The following TRIM71 variants were observed in gnomAD, a reference collection of about 807,000 sequenced individuals.
The protein encoded by TRIM71 is E3 ubiquitin-protein ligase TRIM71.
In TRIM71, 9 loss-of-function variants were observed where a neutral mutation model predicts 61.2. The ratio of observed to expected loss-of-function variants is 0.15; its 90% CI spans 0.09 to 0.26. The LOEUF is 0.26. Ranked by LOEUF, TRIM71 falls within the 10% of genes least tolerant of loss-of-function variation. The pLI, the probability that TRIM71 is intolerant of heterozygous loss-of-function variation, is 1.00. For synonymous variants in TRIM71, 645 were observed against 553.2 expected (o/e 1.17, Z -2.33); for missense variants, 998 against 1,238.7 (o/e 0.81, Z 2.92).
chr3:32,839,259 C>T (rs1002203335), intron 1 of TRIM71, among the ~76,000 whole-genome samples: 8 of 151,798 alleles, frequency 5.3e-5, no homozygotes, highest in Non-Finnish European at 1.0e-4. Context: ...AGACAAGAGT[C>T]TCATTTGGTC....
rs67054324 is a variant in TRIM71 at position 32,845,718 on chromosome 3, CTT to C, written c.852+26798_852+26799del. On this transcript the variant is annotated intron_variant, in intron 1 of 3. Coordinates refer to ENST00000383763, the MANE Select transcript of TRIM71 (RefSeq NM_001039111.3). ...CATGCGACCTAGGCCAAGTTTGGAT[CTT>C]TTTTTTTTTTTGAAACAGAGTCTCT... is the stretch of plus-strand genomic sequence containing the variant. 4.5e-3 allele frequency among the ~76,000 whole-genome samples: 651 copies of C among 145,678 alleles called. 1 individual carries two copies. The highest frequency in any genetic ancestry group is 0.02 in the South Asian group (93 of 4,566).
At position 32,837,814 on chromosome 3, in the gene TRIM71, A is replaced by G. The variant is rs67095435; in HGVS notation, c.852+18882A>G. Among the ~76,000 whole-genome samples, 552 of 68,856 alleles carry G rather than the reference A, an allele frequency of 8.0e-3. 7 individuals are homozygous for G. The highest frequency in any genetic ancestry group is 0.023 in the Admixed American group (108 of 4,644). The allele number at this position is 68,856 out of a possible 152,430, so 45.2% of individuals were successfully genotyped here. A position where few individuals can be genotyped will look rare whatever the true frequency, so the allele number is the denominator to read the frequency against. On this transcript the variant is annotated intron_variant, in intron 1 of 3. Coordinates refer to ENST00000383763, the MANE Select transcript of TRIM71 (RefSeq NM_001039111.3). ...GAGCGAGACTCCATCTCAAAAAAAGAAAAAAAACCTCCTGAAGTCTTTACC... is the reference window on the plus strand; with the variant it reads ...GAGCGAGACTCCATCTCAAAAAAAGGAAAAAAACCTCCTGAAGTCTTTACC...
intron 1 of TRIM71, among the ~76,000 whole-genome samples, chr3:32,858,333 G>C (rs72851701): frequency 1.1e-3 from 164 of 152,192 alleles, no homozygotes; most frequent in African/African-American, 3.9e-3. Flanking sequence ...CCAGACTGAC[G>C]GTCGAACAGC....
At chr3:32,835,425 C>T (rs965932514) in intron 1 of TRIM71, among the ~76,000 whole-genome samples, 5 of 152,120 alleles carry the variant, frequency 3.3e-5, no homozygotes, top group Admixed American at 1.3e-4. Flanking sequence ...AAGAGGAACC[C>T]GGATCAATGA....
intron 1 of TRIM71, among the ~76,000 whole-genome samples, chr3:32,844,410 T>C (rs957936544): frequency 3.9e-5 from 6 of 152,164 alleles, no homozygotes; most frequent in African/African-American, 1.4e-4. Flanking sequence ...TTATTCCCTT[T>C]CCCTGAGACT....
At position 32,891,916 on chromosome 3, in the gene TRIM71, T is replaced by C; in HGVS notation, c.*105T>C. 6.9e-7 allele frequency: 1 copy of C among 1,451,454 alleles called. No individual in the cohort carries two copies. Among genetic ancestry groups the C allele is most frequent in the Non-Finnish European group, 9.1e-7 (1 of 1,101,108 alleles). 89.9% of individuals were successfully genotyped at this position (1,451,454 alleles called of 1,614,324 possible). ...TTTGAATTTCAAAGAAGAAACAGTCTCAGGGAAATTTCTTTTTTCTTTTTT... is the reference window on the plus strand; with the variant it reads ...TTTGAATTTCAAAGAAGAAACAGTCCCAGGGAAATTTCTTTTTTCTTTTTT... On this transcript the variant is annotated 3_prime_UTR_variant, in exon 4 of 4. Transcript: ENST00000383763. This position sits in a 1 kb window ranked among gnomAD's most constrained non-coding sequence, Gnocchi z 8.2.
chr3:32,882,677 G>A (rs1196809383), intron 2 of TRIM71, among the ~76,000 whole-genome samples: 1 of 152,112 alleles, frequency 6.6e-6, no homozygotes, highest in Non-Finnish European at 1.5e-5. Flanking sequence ...CTCCCAAGTA[G>A]ATGGGACTAT....
Position 32,897,627 on chromosome 3 carries a change from A to G in TRIM71, c.*5816A>G, listed in dbSNP as rs889513594. The G allele has an allele frequency of 6.6e-6, 1 of 152,248 alleles. No homozygotes were observed. The highest frequency in any genetic ancestry group is 2.4e-5 in the African/African-American group (1 of 41,464). The allele number at this position is 152,248 out of a possible 1,614,324, so 9.4% of individuals were successfully genotyped here. On this transcript the variant is annotated 3_prime_UTR_variant, in exon 4 of 4. Coordinates refer to ENST00000383763, the MANE Select transcript of TRIM71 (RefSeq NM_001039111.3). The stretch of plus-strand genomic sequence containing the variant: ...GTGAAGAACCAATGGAAAAGTGTTC[A>G]AAAACTCCTGTGTTAGCTAACAGGC...
chr3:32,874,111 G>A, intron 2 of TRIM71, 126 bp downstream of exon 2: 1 of 974,938 alleles, frequency 1.0e-6, no homozygotes, highest in Non-Finnish European at 1.5e-6. Flanking sequence ...ATGAGCTCAG[G>A]TGACATCCCT....
At chr3:32,843,882 A>G (rs1328003662) in intron 1 of TRIM71, among the ~76,000 whole-genome samples, 1 of 124,914 alleles carries the variant, frequency 8.0e-6, no homozygotes, top group Non-Finnish European at 1.7e-5. Flanking sequence ...CTGCCCGCCC[A>G]CCCTGCCTTT....
intron 3 of TRIM71, among the ~76,000 whole-genome samples, chr3:32,887,297 T>C (rs187701372): frequency 6.6e-6 from 1 of 152,314 alleles, no homozygotes; most frequent in African/African-American, 2.4e-5. Context: ...AGCAAGTTTT[T>C]ACTCTTGGGA....
At chr3:32,867,524 C>T (rs1696751648) in intron 1 of TRIM71, among the ~76,000 whole-genome samples, 1 of 152,062 alleles carries the variant, frequency 6.6e-6, no homozygotes, top group African/African-American at 2.4e-5. Context: ...GCGATCATGG[C>T]TCACTATAGC....
chr3:32,849,424 T>A (rs1231733701), intron 1 of TRIM71, among the ~76,000 whole-genome samples: 2 of 151,992 alleles, frequency 1.3e-5, no homozygotes, highest in Non-Finnish European at 2.9e-5. Context: ...AATGGTGCGA[T>A]CTGAGCTCAC....
chr3:32,818,846 C>A lies in TRIM71; in HGVS notation c.766C>A (p.Leu256Ile). 2 of 1,612,174 alleles carry A rather than the reference C, an allele frequency of 1.2e-6. No homozygotes were observed. Among genetic ancestry groups the A allele is most frequent in the Non-Finnish European group, 1.7e-6 (2 of 1,179,674 alleles). ...CGCAGCAGCGGCGCAGCAGCTCGGG[C>A]TCGGGCCGCCCTTTCCCGGCCCGCC... Reference protein sequence around the residue: ...GAAAAAQQLGLGPPFPGPPFS... With the variant: ...GAAAAAQQLGIGPPFPGPPFS... The change falls in exon 1 of 4, where the codon CTC becomes ATC. Residue 256 changes from leucine to isoleucine, a missense_variant. Transcript: ENST00000383763.
At chr3:32,864,409 TG>T (rs1329921009) in intron 1 of TRIM71, among the ~76,000 whole-genome samples, 1 of 152,082 alleles carries the variant, frequency 6.6e-6, no homozygotes, top group Non-Finnish European at 1.5e-5. Context: ...AAACTGAAGG[TG>T]GTGGGCTGGT....
intron 1 of TRIM71, among the ~76,000 whole-genome samples, chr3:32,866,638 C>T (rs528469541): frequency 2.4e-4 from 37 of 152,124 alleles, no homozygotes; most frequent in Middle Eastern, 3.4e-3. Context: ...TGGACAGGGC[C>T]GTGTCGATGG....
At chr3:32,881,083 AT>A (rs1360644261) in intron 2 of TRIM71, among the ~76,000 whole-genome samples, 1 of 152,028 alleles carries the variant, frequency 6.6e-6, no homozygotes, top group African/African-American at 2.4e-5. Flanking sequence ...CAGTGCCACG[AT>A]TTTGGCTCAC....
At chr3:32,843,751 G>A (rs1190648839) in intron 1 of TRIM71, among the ~76,000 whole-genome samples, 2 of 152,092 alleles carry the variant, frequency 1.3e-5, no homozygotes, top group Admixed American at 6.5e-5. Flanking sequence ...AGGAGTCTTC[G>A]CCCAAGGGCC....
Position 32,891,870 on chromosome 3 carries a change from C to CTT in TRIM71, c.*60_*61insTT. 2.8e-5 allele frequency: 43 copies of CTT among 1,519,190 alleles called. No individual in the cohort carries two copies. The highest frequency in any genetic ancestry group is 3.5e-5 in the Non-Finnish European group (40 of 1,133,346). 94.1% of individuals were successfully genotyped at this position (1,519,190 alleles called of 1,614,324 possible). A position where few individuals can be genotyped will look rare whatever the true frequency, so the allele number is the denominator to read the frequency against. On this transcript the variant is annotated 3_prime_UTR_variant, in exon 4 of 4. Transcript: ENST00000383763. The surrounding 1 kb of genome is among the most constrained non-coding windows in gnomAD (Gnocchi z 8.2). ...TGTGCGTGTCTCTCTCTCTCTCTCT[C>CTT]TCTTTCTCTTTCTCTCTCTTTTTGA... is the stretch of plus-strand genomic sequence containing the variant.
Sources: gnomAD v4.1 joint callset for allele counts (sites outside exome capture counted in the v4.1 genomes callset) on GRCh38, gnomAD v4.1.1 for gene constraint, Gnocchi (gnomAD v3.1) non-coding constraint, MANE v1.5 for transcripts, NCBI Gene and HGNC (gene_info 2026-07-23, HGNC 2026-07-21) for gene names.